The following ARHGAP32 variants were observed in gnomAD, a reference collection of about 807,000 sequenced individuals.
ARHGAP32 encodes rho GTPase-activating protein 32.
ARHGAP32 carries 51 observed loss-of-function variants against 186.5 expected under a neutral mutation model. That is an observed-to-expected ratio of 0.27 (90% CI 0.22 to 0.35). The LOEUF (loss-of-function observed/expected upper bound fraction) is 0.35, where lower values mean the gene tolerates loss of function less well. ARHGAP32 is among the 10% of genes least tolerant of loss of function. The pLI is 1.00. For missense variants in ARHGAP32, 2,186 were observed against 2,623.5 expected, an observed-to-expected ratio of 0.83 and a Z score of 3.64; for synonymous variants, 950 against 964.3, an observed-to-expected ratio of 0.99 and a Z score of 0.27.
In ARHGAP32 at chr11:129,164,300, T is replaced by C. The variant is rs1422713772; in HGVS notation, c.225+19A>G. The C allele has an allele frequency of 2.2e-6, 3 of 1,389,304 alleles. No individual in the cohort carries two copies. The highest frequency in any genetic ancestry group is 2.0e-6 in the Non-Finnish European group (2 of 1,008,522). 86.1% of individuals were successfully genotyped at this position (1,389,304 alleles called of 1,614,324 possible). On this transcript the variant is annotated intron_variant, in intron 2 of 22. Transcript: ENST00000682385. ...TACATATATATGTATATATGAACAA[T>C]TGTATAAAACTGATTTACCATTGCG...
intron 1 of ARHGAP32, among the ~76,000 whole-genome samples, chr11:129,233,252 G>GAGTGGCTTTGGATAA (rs1477758367): frequency 1.3e-5 from 2 of 152,116 alleles, no homozygotes; most frequent in African/African-American, 4.8e-5. Context: ...TGGGTGGTAG[G>GAGTGGCTTTGGATAA]AGTGGCTTTG....
At chr11:129,165,354 G>A (rs1943614371) in intron 1 of ARHGAP32, among the ~76,000 whole-genome samples, 2 of 151,606 alleles carry the variant, frequency 1.3e-5, no homozygotes, top group South Asian at 2.1e-4. Context: ...CCAAGATGGA[G>A]GAGCACTGAA....
chr11:129,130,359 T>G (rs1276725680), intron 2 of ARHGAP32, among the ~76,000 whole-genome samples: 2 of 151,980 alleles, frequency 1.3e-5, no homozygotes, highest in African/African-American at 2.4e-5. Context: ...TCATTCATTA[T>G]GAAAAATAAA....
At chr11:129,252,169 C>T (rs1271644737) in intron 1 of ARHGAP32, among the ~76,000 whole-genome samples, 1 of 152,108 alleles carries the variant, frequency 6.6e-6, no homozygotes, top group Admixed American at 6.5e-5. Flanking sequence ...GTCTTTAACA[C>T]CTTTACCATC....
intron 1 of ARHGAP32, among the ~76,000 whole-genome samples, chr11:129,268,729 A>G (rs1192987163): frequency 6.7e-6 from 1 of 149,678 alleles, no homozygotes; most frequent in African/African-American, 2.4e-5. Context: ...ATTAGTTACT[A>G]AATAGAAGAC....
rs143341900 is a variant in ARHGAP32 at position 129,205,215 on chromosome 11, A to G, written c.-4-40788T>C. 3.0e-3 allele frequency among the ~76,000 whole-genome samples: 462 copies of G among 152,258 alleles called. 4 individuals carry two copies. Among genetic ancestry groups the G allele is most frequent in the African/African-American group, 0.01 (433 of 41,572 alleles). On this transcript the variant is annotated intron_variant, in intron 1 of 6. Coordinates refer to the ARHGAP32 transcript ENST00000525234. ...TATCATCTCTGGGGCTTTTTATGTT[A>G]TATTTTCAAAATGAACAATGAATAC...
chr11:129,141,557 C>A (rs1943052929), intron 2 of ARHGAP32, among the ~76,000 whole-genome samples: 1 of 150,562 alleles, frequency 6.6e-6, no homozygotes. Context: ...ACCAACACAG[C>A]ACATGTATAC....
intron 11 of ARHGAP32, among the ~76,000 whole-genome samples, chr11:129,040,719 A>G (rs900589400): frequency 1.3e-5 from 2 of 152,230 alleles, no homozygotes; most frequent in East Asian, 1.9e-4. Flanking sequence ...GCAATTGCCT[A>G]AAAATTTGAG....
chr11:129,028,144 C>T (rs590458), intron 11 of ARHGAP32, among the ~76,000 whole-genome samples: 16,942 of 152,238 alleles, frequency 0.11, 1,217 homozygotes, highest in Non-Finnish European at 0.15. Context: ...TAAAATACAA[C>T]ATCTGCCAAC....
chr11:128,976,819 T>A (rs1945556886), intron 19 of ARHGAP32, among the ~76,000 whole-genome samples, 185 bp from the exon 20 acceptor site: 1 of 152,216 alleles, frequency 6.6e-6, no homozygotes, highest in Non-Finnish European at 1.5e-5. Flanking sequence ...TAGTACTCTA[T>A]TATATAATGT....
At chr11:129,126,223 G>T (rs1367889600) in intron 2 of ARHGAP32, among the ~76,000 whole-genome samples, 1 of 152,090 alleles carries the variant, frequency 6.6e-6, no homozygotes, top group Non-Finnish European at 1.5e-5. Flanking sequence ...AGGTTTGTGG[G>T]CCACATTATC....
intron 10 of ARHGAP32, among the ~76,000 whole-genome samples, chr11:129,044,015 G>A (rs1238294692): frequency 6.6e-6 from 1 of 151,722 alleles, no homozygotes; most frequent in Non-Finnish European, 1.5e-5. Flanking sequence ...TTGTAATTGA[G>A]TTTTCATCAT....
At chr11:129,110,575 T>C (rs1591623771) in intron 5 of ARHGAP32, among the ~76,000 whole-genome samples, 1 of 152,326 alleles carries the variant, frequency 6.6e-6, no homozygotes, top group East Asian at 1.9e-4. Context: ...TCCATGAGCA[T>C]GGGAGGTCTC....
At chr11:129,272,099 T>G (rs887597149) in intron 1 of ARHGAP32, among the ~76,000 whole-genome samples, 2 of 152,006 alleles carry the variant, frequency 1.3e-5, no homozygotes, top group Admixed American at 1.3e-4. Flanking sequence ...TATAAACAAC[T>G]CTTGAAATTT....
chr11:129,222,506 T>C (rs1414276721), intron 1 of ARHGAP32, among the ~76,000 whole-genome samples: 1 of 152,150 alleles, frequency 6.6e-6, no homozygotes, highest in African/African-American at 2.4e-5. Flanking sequence ...TAATTAAGTG[T>C]AAAAATAATT....
At chr11:129,244,981 AC>A (rs1467909546) in intron 1 of ARHGAP32, among the ~76,000 whole-genome samples, 1 of 151,872 alleles carries the variant, frequency 6.6e-6, no homozygotes, top group Non-Finnish European at 1.5e-5. Context: ...ACAAATAGGA[AC>A]ACTTTTACAC....
intron 2 of ARHGAP32, among the ~76,000 whole-genome samples, chr11:129,148,195 A>G (rs1303508534): frequency 6.6e-6 from 1 of 152,208 alleles, no homozygotes; most frequent in Non-Finnish European, 1.5e-5. Flanking sequence ...GAACCACCAA[A>G]GAAATGTATC....
intron 10 of ARHGAP32, among the ~76,000 whole-genome samples, chr11:129,046,604 G>A (rs1939817181): frequency 6.6e-6 from 1 of 152,112 alleles, no homozygotes; most frequent in South Asian, 2.1e-4. Context: ...AGACTAAAAA[G>A]AAAACCCGGT....
At chr11:128,993,080 C>T (rs1378911758) in intron 12 of ARHGAP32, among the ~76,000 whole-genome samples, 3 of 152,186 alleles carry the variant, frequency 2.0e-5, no homozygotes. Flanking sequence ...ACACTTTGTA[C>T]AGAAGACACA....
Sources: gnomAD v4.1 joint callset for allele counts (sites outside exome capture counted in the v4.1 genomes callset) on GRCh38, gnomAD v4.1.1 for gene constraint, MANE v1.5 for transcripts, NCBI Gene and HGNC (gene_info 2026-07-23, HGNC 2026-07-21) for gene names.